The following RNF175 variants were observed in gnomAD, a reference collection of about 807,000 sequenced individuals.
RNF175 encodes ring finger protein 175.
In RNF175, 38 loss-of-function variants were observed where a neutral mutation model predicts 50.0. The observed-to-expected ratio is 0.76, with a 90% CI of 0.59 to 1.00. RNF175 has a LOEUF of 1.00. Among genes scored for constraint, RNF175 ranks in the 50% least tolerant of loss-of-function variants. The pLI, the probability that RNF175 is intolerant of heterozygous loss-of-function variation, is 0.00. For missense variants in RNF175, 388 were observed against 409.6 expected, an observed-to-expected ratio of 0.95 and a Z score of 0.46; for synonymous variants, 155 against 146.1, an observed-to-expected ratio of 1.06 and a Z score of -0.44.
chr4:153,742,203 G>A (rs1020096307), intron 3 of RNF175, among the ~76,000 whole-genome samples: 8 of 150,170 alleles, frequency 5.3e-5, no homozygotes, highest in African/African-American at 2.0e-4. Context: ...GAACCTGGGA[G>A]GCAGAGGTTG....
chr4:153,724,235 A>G (rs1738531996), intron 4 of RNF175, among the ~76,000 whole-genome samples: 1 of 152,214 alleles, frequency 6.6e-6, no homozygotes, highest in Admixed American at 6.5e-5. Flanking sequence ...GCCCTTAGAA[A>G]AAAACTACAA....
rs1452418794 is a variant in RNF175, at chr4:153,720,319, A to G, written c.510-15T>C. 3.7e-6 allele frequency: 6 copies of G among 1,610,794 alleles called. No homozygotes were observed. The highest frequency in any genetic ancestry group is 5.1e-6 in the Non-Finnish European group (6 of 1,177,306). On this transcript the variant is annotated splice_polypyrimidine_tract_variant and intron_variant, in intron 5 of 8. Coordinates refer to ENST00000347063, the MANE Select transcript of RNF175 (RefSeq NM_173662.4). ...TAGCTTTGATTCTATTGAAAACAAC[A>G]GTATAAGGAAATAAGAATGTGGCAT...
chr4:153,758,419 C>T (rs1007725185), intron 1 of RNF175, among the ~76,000 whole-genome samples: 6 of 152,218 alleles, frequency 3.9e-5, no homozygotes, highest in Admixed American at 3.9e-4. Context: ...CTGTGAGTCC[C>T]TCCTAGGGCA....
chr4:153,741,419 G>A (rs969368989), intron 3 of RNF175, among the ~76,000 whole-genome samples: 1 of 152,182 alleles, frequency 6.6e-6, no homozygotes, highest in Admixed American at 6.5e-5. Context: ...CAAAATGTGG[G>A]GTCCCTGACT....
At chr4:153,715,328 G>A (rs2127089233) in intron 7 of RNF175, 1 of 643,296 alleles carries the variant, frequency 1.6e-6, no homozygotes, top group East Asian at 2.9e-5. Context: ...GAAATTACTG[G>A]AGGAGGAGGT....
chr4:153,734,735 G>T (rs141209156), intron 3 of RNF175, among the ~76,000 whole-genome samples: 1 of 141,660 alleles, frequency 7.1e-6, no homozygotes. Flanking sequence ...GAGCGCAGTG[G>T]CGTGATCTCG....
At chr4:153,721,995 T>C (rs1738365843) in intron 5 of RNF175, among the ~76,000 whole-genome samples, 1 of 152,248 alleles carries the variant, frequency 6.6e-6, no homozygotes, top group Non-Finnish European at 1.5e-5. Context: ...TATGCTGCCA[T>C]AGGAAAAGCC....
chr4:153,747,331 C>G (rs1740029992), intron 3 of RNF175, among the ~76,000 whole-genome samples: 1 of 152,154 alleles, frequency 6.6e-6, no homozygotes, highest in Admixed American at 6.5e-5. Flanking sequence ...TCTCTTCTTT[C>G]ATTTTACTAT....
At chr4:153,749,979 G>C (rs756009578) in intron 2 of RNF175, among the ~76,000 whole-genome samples, 5 of 152,186 alleles carry the variant, frequency 3.3e-5, no homozygotes, top group Non-Finnish European at 5.9e-5. Flanking sequence ...CAGATTTGCA[G>C]AATGGGATGT....
Position 153,734,312 on chromosome 4 carries a change from A to G in RNF175, c.247-5951T>C, listed in dbSNP as rs532767469. ...AGCTTTACCATTATTTGCATTCCCA[A>G]CAACGAGAGTTCCTGCTACTCCACA... On this transcript the variant is annotated intron_variant, in intron 3 of 8. Transcript: ENST00000347063. Among the ~76,000 whole-genome samples, 17 of 152,348 alleles carry G rather than the reference A, an allele frequency of 1.1e-4. No homozygotes were observed. In the South Asian group the frequency reaches 2.5e-3, roughly 22 times the overall value.
At chr4:153,746,258 C>T (rs1739964129) in intron 3 of RNF175, among the ~76,000 whole-genome samples, 1 of 152,232 alleles carries the variant, frequency 6.6e-6, no homozygotes, top group Non-Finnish European at 1.5e-5. Context: ...TAAAACTTAA[C>T]AAGGTAAACA....
In RNF175 at chr4:153,731,077, G is replaced by T. The variant is rs537489722; in HGVS notation, c.247-2716C>A. ...TTTATTTCTTAACTATCTTTAAAAT[G>T]TAACTCAGCACCATATTTTCTCAAT... On this transcript the variant is annotated intron_variant, in intron 3 of 8. Coordinates refer to ENST00000347063, the MANE Select transcript of RNF175 (RefSeq NM_173662.4). 5.1e-4 allele frequency among the ~76,000 whole-genome samples: 78 copies of T among 152,296 alleles called. 1 individual carries two copies. The highest frequency in any genetic ancestry group is 1.9e-3 in the African/African-American group (78 of 41,562).
At chr4:153,752,294 A>C (rs1177990589) in intron 1 of RNF175, among the ~76,000 whole-genome samples, 1 of 152,200 alleles carries the variant, frequency 6.6e-6, no homozygotes, top group East Asian at 1.9e-4. Context: ...ACAAAGGAGG[A>C]GACTCATGCA....
chr4:153,742,050 G>A (rs920808691), intron 3 of RNF175, among the ~76,000 whole-genome samples: 2 of 152,052 alleles, frequency 1.3e-5, no homozygotes, highest in Admixed American at 6.6e-5. Flanking sequence ...CGAGGCAGGC[G>A]GATCACCTGA....
intron 6 of RNF175, among the ~76,000 whole-genome samples, chr4:153,719,734 TATA>T (rs1392430065): frequency 1.3e-5 from 2 of 152,252 alleles, no homozygotes; most frequent in Non-Finnish European, 2.9e-5. Context: ...GACTGGTATT[TATA>T]ATAAGTATTA....
At chr4:153,735,577 A>G (rs1579073605) in intron 3 of RNF175, among the ~76,000 whole-genome samples, 2 of 152,154 alleles carry the variant, frequency 1.3e-5, no homozygotes, top group African/African-American at 4.8e-5. Flanking sequence ...CTGAGATTTT[A>G]GTTGAGATTG....
intron 7 of RNF175, chr4:153,714,022 C>G (rs1202249047): frequency 6.6e-6 from 1 of 152,202 alleles, no homozygotes; most frequent in African/African-American, 2.4e-5. Flanking sequence ...TTGCCCATTT[C>G]TCACTAATAT....
chr4:153,722,006 C>G (rs542848669), intron 5 of RNF175, among the ~76,000 whole-genome samples: 2 of 152,312 alleles, frequency 1.3e-5, no homozygotes, highest in African/African-American at 4.8e-5. Flanking sequence ...AGGAAAAGCC[C>G]TTTCACCCAG....
chr4:153,755,194 C>G (rs942752583), intron 1 of RNF175, among the ~76,000 whole-genome samples: 4 of 152,268 alleles, frequency 2.6e-5, no homozygotes, highest in Non-Finnish European at 5.9e-5. Context: ...GGCTTGCCCA[C>G]TTGGCTGGCA....
Sources: allele counts gnomAD v4.1 joint callset (sites outside exome capture counted in the v4.1 genomes callset), GRCh38; gene constraint gnomAD v4.1.1; transcripts MANE v1.5; gene names NCBI Gene and HGNC (gene_info 2026-07-23, HGNC 2026-07-21).